SEMA6D: variants seen among roughly 807,000 people sequenced by gnomAD.
SEMA6D encodes semaphorin 6D.
Under a neutral mutation model 106.6 loss-of-function variants are expected in SEMA6D, and 35 were observed. The observed-to-expected ratio is 0.33, with a 90% CI of 0.25 to 0.44. The LOEUF (loss-of-function observed/expected upper bound fraction) is 0.44. SEMA6D is among the 20% of genes least tolerant of loss of function. SEMA6D has a pLI of 1.00. For missense variants in SEMA6D, 1,185 were observed against 1,345.9 expected (o/e 0.88, Z 1.87); for synonymous variants, 499 against 487.7 (o/e 1.02, Z -0.31).
At chr15:47,277,783 C>A (rs931642095) in intron 1 of SEMA6D, among the ~76,000 whole-genome samples, 1 of 151,112 alleles carries the variant, frequency 6.6e-6, no homozygotes, top group African/African-American at 2.4e-5. Context: ...CCACAACAGT[C>A]CCCAGAGTGT....
Position 47,764,901 on chromosome 15 carries a change from C to T in SEMA6D, c.1272C>T (p.Ile424=). ...KTRVRYRLTA[I]SVDHSAGPYQ... is the part of the protein sequence containing the mutation. ...CTTGTAGGTACAGACTGACGGCCAT[C>T]TCAGTGGACCATTCAGCCGGACCCT... Residue 424 remains isoleucine (I), a synonymous_variant, in exon 13 of 19, where the codon ATC becomes ATT. Transcript: ENST00000536845. The T allele has an allele frequency of 1.9e-6, 3 of 1,613,914 alleles. No homozygotes were observed. The highest frequency in any genetic ancestry group is 2.2e-5 in the South Asian group (2 of 91,080).
At chr15:47,306,555 C>G in intron 1 of SEMA6D, among the ~76,000 whole-genome samples, 1 of 152,204 alleles carries the variant, frequency 6.6e-6, no homozygotes, top group African/African-American at 2.4e-5. Flanking sequence ...AACCCTGTCT[C>G]TACTAAAAGT....
intron 1 of SEMA6D, among the ~76,000 whole-genome samples, chr15:47,721,121 A>G (rs570218457): frequency 3.3e-5 from 5 of 152,374 alleles, no homozygotes; most frequent in African/African-American, 1.2e-4. Context: ...GGTGAGCCAG[A>G]TATGTTTCTC....
At chr15:47,518,563 A>G (rs2044465215) in intron 3 of SEMA6D, among the ~76,000 whole-genome samples, 1 of 152,250 alleles carries the variant, frequency 6.6e-6, no homozygotes, top group African/African-American at 2.4e-5. Context: ...CGAATATTGC[A>G]GGCAGTTTTA....
chr15:47,675,521 G>T (rs1596598760), intron 4 of SEMA6D, among the ~76,000 whole-genome samples: 1 of 152,126 alleles, frequency 6.6e-6, no homozygotes, highest in Admixed American at 6.5e-5. Context: ...CTTGATGTGG[G>T]ACTTCCAGCC....
chr15:47,358,083 G>C (rs1326238260), intron 1 of SEMA6D, among the ~76,000 whole-genome samples: 1 of 152,140 alleles, frequency 6.6e-6, no homozygotes, highest in East Asian at 1.9e-4. Flanking sequence ...CAGAGCCCTA[G>C]AGTTTATTCT....
At chr15:47,557,762 T>C (rs1348478166) in intron 3 of SEMA6D, among the ~76,000 whole-genome samples, 1 of 152,174 alleles carries the variant, frequency 6.6e-6, no homozygotes, top group African/African-American at 2.4e-5. Context: ...TACATTGAAG[T>C]ATATTAACAT....
chr15:47,526,324 A>G (rs1338182334), intron 3 of SEMA6D, among the ~76,000 whole-genome samples: 2 of 152,120 alleles, frequency 1.3e-5, no homozygotes, highest in Non-Finnish European at 2.9e-5. Flanking sequence ...ACTATAATTG[A>G]GAGAAGGAAA....
chr15:47,358,791 A>G (rs929767561), intron 1 of SEMA6D, among the ~76,000 whole-genome samples: 1 of 152,198 alleles, frequency 6.6e-6, no homozygotes, highest in African/African-American at 2.4e-5. Context: ...GTTGGGCATC[A>G]TGGCTACAGC....
chr15:47,481,833 C>A (rs2043161662), intron 3 of SEMA6D, among the ~76,000 whole-genome samples: 1 of 152,018 alleles, frequency 6.6e-6, no homozygotes, highest in Non-Finnish European at 1.5e-5. Flanking sequence ...TATTTGTATA[C>A]AAAATTATGT....
chr15:47,684,433 T>C (rs1225591207), intron 4 of SEMA6D, among the ~76,000 whole-genome samples: 1 of 152,102 alleles, frequency 6.6e-6, no homozygotes, highest in African/African-American at 2.4e-5. Context: ...GTATCAGATA[T>C]CCTCATTTTA....
chr15:47,471,931 T>TCA (rs1168586101), intron 3 of SEMA6D, among the ~76,000 whole-genome samples: 8,742 of 121,326 alleles, frequency 0.072, 356 homozygotes, highest in East Asian at 0.12. Context: ...TCTCTCTCTC[T>TCA]CACACACACA....
At chr15:47,504,785 G>C (rs2043981360) in intron 3 of SEMA6D, among the ~76,000 whole-genome samples, 1 of 152,122 alleles carries the variant, frequency 6.6e-6, no homozygotes, top group Non-Finnish European at 1.5e-5. Context: ...TGGAACAAAA[G>C]AGGAAGAGGC....
intron 4 of SEMA6D, among the ~76,000 whole-genome samples, chr15:47,660,520 G>C (rs1402905132): frequency 3.3e-5 from 5 of 152,102 alleles, no homozygotes; most frequent in Non-Finnish European, 7.4e-5. Flanking sequence ...CGGATGCAAA[G>C]GCTTGTATGG....
intron 3 of SEMA6D, among the ~76,000 whole-genome samples, chr15:47,540,588 C>T (rs561848454): frequency 2.0e-4 from 31 of 152,194 alleles, no homozygotes; most frequent in Non-Finnish European, 3.4e-4. Context: ...TGGATGTGTG[C>T]GTGGATGGTG....
At chr15:47,503,689 T>TCACACACACACACACACACA (rs142397320) in intron 3 of SEMA6D, among the ~76,000 whole-genome samples, 327 of 148,694 alleles carry the variant, frequency 2.2e-3, no homozygotes, top group African/African-American at 5.2e-3. Context: ...TCTCTCTCTG[T>TCACACACACACACACACACA]CACACACACA....
intron 1 of SEMA6D, among the ~76,000 whole-genome samples, chr15:47,219,727 C>A (rs900035159): frequency 2.0e-5 from 3 of 152,168 alleles, no homozygotes; most frequent in Non-Finnish European, 4.4e-5. Flanking sequence ...TAACAAACCA[C>A]CCTCAAAAGC....
At chr15:47,397,176 G>C (rs531067188) in intron 1 of SEMA6D, among the ~76,000 whole-genome samples, 16 of 152,282 alleles carry the variant, frequency 1.1e-4, no homozygotes, top group African/African-American at 3.8e-4. Flanking sequence ...AGTTTAGAAA[G>C]CCAAGCCCTC....
intron 3 of SEMA6D, among the ~76,000 whole-genome samples, chr15:47,538,813 A>G (rs1269523297): frequency 2.0e-5 from 3 of 152,238 alleles, no homozygotes; most frequent in Non-Finnish European, 4.4e-5. Flanking sequence ...ACTTTGATGT[A>G]TGTATAGGGG....
Sources: gnomAD v4.1 joint callset for allele counts (sites outside exome capture counted in the v4.1 genomes callset) on GRCh38, gnomAD v4.1.1 for gene constraint, MANE v1.5 for transcripts, NCBI Gene and HGNC (gene_info 2026-07-23, HGNC 2026-07-21) for gene names.